The following AUTS2 variants were observed in gnomAD, a reference collection of about 807,000 sequenced individuals.
The protein encoded by AUTS2 is autism susceptibility gene 2 protein.
AUTS2 carries 17 observed loss-of-function variants against 112.4 expected under a neutral mutation model. That is an observed-to-expected ratio of 0.15 (90% CI 0.10 to 0.23). The LOEUF (loss-of-function observed/expected upper bound fraction) is 0.23. Among genes scored for constraint, AUTS2 ranks in the 10% least tolerant of loss-of-function variants. AUTS2 has a pLI of 1.00. For missense variants in AUTS2, 1,510 were observed against 1,701.6 expected (o/e 0.89, Z 1.98); for synonymous variants, 751 against 702.7 (o/e 1.07, Z -1.09).
rs1438753584 is a variant in AUTS2 at position 70,117,099 on chromosome 7, CTTTTGTTTTTTTT to C, written c.523-1018_523-1006del. Reference sequence around the variant, plus strand: ...CTAGAACGTAAACTTCATGAGATGACTTTTGTTTTTTTTTTTTGTTTTTTTTTGTTTTTTTTTG... The same window carrying C: ...CTAGAACGTAAACTTCATGAGATGACTTTTGTTTTTTTTTGTTTTTTTTTG... On this transcript the variant is annotated intron_variant, in intron 2 of 18. Transcript: ENST00000342771. 5.9e-5 allele frequency among the ~76,000 whole-genome samples: 6 copies of C among 101,408 alleles called. 1 individual carries two copies. Among genetic ancestry groups the C allele is most frequent in the East Asian group, 5.8e-4 (2 of 3,424 alleles). The allele number at this position is 101,408 out of a possible 152,430, so 66.5% of individuals were successfully genotyped here.
chr7:69,831,376 T>A (rs1791493649), intron 1 of AUTS2, among the ~76,000 whole-genome samples: 1 of 152,118 alleles, frequency 6.6e-6, no homozygotes, highest in Non-Finnish European at 1.5e-5. Flanking sequence ...GACTTCATCC[T>A]GTGGACTGCA....
At chr7:70,393,750 A>AC (rs1265960656) in intron 4 of AUTS2, among the ~76,000 whole-genome samples, 5 of 151,510 alleles carry the variant, frequency 3.3e-5, no homozygotes, top group African/African-American at 1.2e-4. Context: ...GAAGCCCACC[A>AC]CCCCCCTTTC....
Position 70,272,733 on chromosome 7 carries a change from T to TTTTG in AUTS2, c.660+138182_660+138185dup, listed in dbSNP as rs145197541. 2.5e-3 allele frequency among the ~76,000 whole-genome samples: 382 copies of TTTTG among 151,786 alleles called. 1 individual carries two copies. Among genetic ancestry groups the TTTTG allele is most frequent in the Middle Eastern group, 0.01 (3 of 292 alleles). Reference sequence around the variant, plus strand: ...TACTTCTGGCAAATGGTTGCTGTTTTTTTGTTTGTTTGTTTGTTTGTTTTA... The same window carrying TTTTG: ...TACTTCTGGCAAATGGTTGCTGTTTTTTTGTTTGTTTGTTTGTTTGTTTGTTTTA... On this transcript the variant is annotated intron_variant, in intron 4 of 18. Transcript: ENST00000342771.
intron 4 of AUTS2, among the ~76,000 whole-genome samples, chr7:70,400,895 C>T (rs1794298580): frequency 6.6e-6 from 1 of 152,074 alleles, no homozygotes. Flanking sequence ...CTAATGCACG[C>T]CAAAGTTGAG....
chr7:69,692,199 G>A (rs531080136), intron 1 of AUTS2, among the ~76,000 whole-genome samples: 96 of 152,306 alleles, frequency 6.3e-4, no homozygotes, highest in South Asian at 2.5e-3. Flanking sequence ...TTCCAAGTCT[G>A]TAGAGATAAT....
intron 4 of AUTS2, among the ~76,000 whole-genome samples, chr7:70,389,259 A>C (rs796154225): frequency 1.2e-4 from 18 of 152,256 alleles, no homozygotes; most frequent in African/African-American, 4.3e-4. Context: ...ACTCCTTGCA[A>C]CTGATATTGG....
chr7:70,191,788 C>T (rs982926326), intron 4 of AUTS2, among the ~76,000 whole-genome samples: 5 of 151,862 alleles, frequency 3.3e-5, no homozygotes, highest in African/African-American at 1.2e-4. Context: ...AGGCCAGGCC[C>T]GGTGGCTCAC....
chr7:70,532,202 T>C (rs555087580), intron 5 of AUTS2, among the ~76,000 whole-genome samples: 3 of 152,268 alleles, frequency 2.0e-5, no homozygotes, highest in Admixed American at 1.3e-4. Context: ...TTGTATCGCG[T>C]TGCTGATGAG....
At chr7:70,502,529 G>A (rs1339360812) in intron 5 of AUTS2, among the ~76,000 whole-genome samples, 1 of 152,130 alleles carries the variant, frequency 6.6e-6, no homozygotes, top group Admixed American at 6.5e-5. Context: ...AGTGACTTTT[G>A]CCCACCGCTT....
At chr7:69,817,081 A>G (rs544987693) in intron 1 of AUTS2, among the ~76,000 whole-genome samples, 1 of 152,348 alleles carries the variant, frequency 6.6e-6, no homozygotes, top group South Asian at 2.1e-4. Context: ...CAAATACTCC[A>G]TAAATGTTTG....
intron 2 of AUTS2, among the ~76,000 whole-genome samples, chr7:69,923,682 T>C (rs1308068929): frequency 6.6e-6 from 1 of 152,236 alleles, no homozygotes; most frequent in African/African-American, 2.4e-5. Flanking sequence ...TTGTCAGATT[T>C]ATTCCTATGT....
chr7:70,534,819 T>C (rs1800247045), intron 5 of AUTS2, among the ~76,000 whole-genome samples: 1 of 152,120 alleles, frequency 6.6e-6, no homozygotes, highest in Non-Finnish European at 1.5e-5. Context: ...GTAATAGTAA[T>C]GGTGATTATG....
intron 17 of AUTS2, among the ~76,000 whole-genome samples, chr7:70,786,267 G>C (rs1451693671): frequency 6.6e-6 from 1 of 152,226 alleles, no homozygotes. Context: ...AGGAACGGCA[G>C]TGTAGTTGAT....
chr7:70,100,947 G>A (rs1804455462), intron 2 of AUTS2, among the ~76,000 whole-genome samples: 3 of 151,922 alleles, frequency 2.0e-5, no homozygotes, highest in Admixed American at 2.0e-4. Context: ...GCATGATCTC[G>A]GCTCACTGCA....
At chr7:70,577,153 T>C (rs969192173) in intron 5 of AUTS2, among the ~76,000 whole-genome samples, 11 of 152,226 alleles carry the variant, frequency 7.2e-5, no homozygotes, top group Admixed American at 5.2e-4. Context: ...GAAATAACAC[T>C]CTGATTGCAG....
rs374143617 is a variant in AUTS2, at chr7:70,133,394, A to C, written c.625-1142A>C. 1.5e-4 allele frequency among the ~76,000 whole-genome samples: 23 copies of C among 152,302 alleles called. No individual in the cohort carries two copies. In the East Asian group the frequency reaches 3.9e-3, roughly 26 times the overall value. ...TACATTCATTCAATAAGTCCTTATT[A>C]AATGCATCCTGTGTGCAAGTCATTG... is the stretch of plus-strand genomic sequence containing the variant. On this transcript the variant is annotated intron_variant, in intron 3 of 18. Transcript: ENST00000342771.
At chr7:69,893,852 T>C (rs543945997) in intron 1 of AUTS2, among the ~76,000 whole-genome samples, 1 of 152,300 alleles carries the variant, frequency 6.6e-6, no homozygotes, top group South Asian at 2.1e-4. Flanking sequence ...CTCCCTTAGT[T>C]TGCACAACAC....
At chr7:69,976,296 T>A (rs1438773821) in intron 2 of AUTS2, among the ~76,000 whole-genome samples, 1 of 152,244 alleles carries the variant, frequency 6.6e-6, no homozygotes, top group Non-Finnish European at 1.5e-5. Context: ...CATAATATCC[T>A]CAAGTTTCAT....
intron 6 of AUTS2, among the ~76,000 whole-genome samples, chr7:70,745,539 A>AT (rs1280044989): frequency 6.6e-6 from 1 of 151,962 alleles, no homozygotes; most frequent in African/African-American, 2.4e-5. Context: ...ATATTTTCTT[A>AT]TTTTTTTCTT....
Sources: allele counts gnomAD v4.1 joint callset (sites outside exome capture counted in the v4.1 genomes callset), GRCh38; gene constraint gnomAD v4.1.1; transcripts MANE v1.5; gene names NCBI Gene and HGNC (gene_info 2026-07-23, HGNC 2026-07-21).